Variants in ROBO1 observed in about 807,000 individuals in gnomAD.
ROBO1 encodes roundabout homolog 1.
A neutral mutation model predicts 195.9 loss-of-function variants in ROBO1; 149 were observed. The observed-to-expected ratio is 0.76, with a 90% CI of 0.67 to 0.87. The LOEUF is 0.87. Ranked by LOEUF, ROBO1 falls within the 40% of genes least tolerant of loss-of-function variation. The pLI is 0.00. For missense variants in ROBO1, 1,933 were observed against 2,068.3 expected (o/e 0.93, Z 1.27); for synonymous variants, 816 against 733.2 (o/e 1.11, Z -1.82).
intron 2 of ROBO1, among the ~76,000 whole-genome samples, chr3:79,324,203 C>T (rs2034107925): frequency 6.6e-6 from 1 of 152,206 alleles, no homozygotes; most frequent in Middle Eastern, 3.4e-3. Context: ...TCTAATAATG[C>T]CTGTTCTACA....
At chr3:78,839,697 G>T (rs1391653694) in intron 4 of ROBO1, among the ~76,000 whole-genome samples, 2 of 151,994 alleles carry the variant, frequency 1.3e-5, no homozygotes, top group Non-Finnish European at 2.9e-5. Flanking sequence ...AATCTTTACA[G>T]ACTGAAAATC....
intron 8 of ROBO1, among the ~76,000 whole-genome samples, chr3:78,708,846 C>A (rs185947105): frequency 6.6e-6 from 1 of 152,296 alleles, no homozygotes; most frequent in Non-Finnish European, 1.5e-5. Context: ...TGAAACACCA[C>A]TTCAGTGAAT....
At chr3:79,481,488 C>T (rs777706714) in intron 2 of ROBO1, among the ~76,000 whole-genome samples, 3 of 152,134 alleles carry the variant, frequency 2.0e-5, no homozygotes, top group Non-Finnish European at 2.9e-5. Context: ...AAACACTGGC[C>T]TGCTTCAAAG....
chr3:78,804,964 C>T (rs1381633057), intron 4 of ROBO1, among the ~76,000 whole-genome samples: 13 of 152,010 alleles, frequency 8.6e-5, no homozygotes. Flanking sequence ...AAAGAATCTC[C>T]CTTGGTCACA....
chr3:78,828,230 T>C (rs1444267688), intron 4 of ROBO1, among the ~76,000 whole-genome samples: 1 of 152,066 alleles, frequency 6.6e-6, no homozygotes, highest in African/African-American at 2.4e-5. Context: ...TTTCTGCAAG[T>C]TGATTTTCAC....
intron 1 of ROBO1, among the ~76,000 whole-genome samples, chr3:79,695,807 T>C (rs1947429663): frequency 6.6e-6 from 1 of 151,410 alleles, no homozygotes; most frequent in South Asian, 2.1e-4. Flanking sequence ...AGTAAACTAC[T>C]GGGAATATAA....
intron 2 of ROBO1, among the ~76,000 whole-genome samples, chr3:79,416,189 T>A (rs1339062019): frequency 6.6e-6 from 1 of 151,944 alleles, no homozygotes; most frequent in Non-Finnish European, 1.5e-5. Context: ...AAATGGTAAA[T>A]GCATTTACAG....
At chr3:79,496,617 G>T (rs1939761752) in intron 2 of ROBO1, among the ~76,000 whole-genome samples, 2 of 150,336 alleles carry the variant, frequency 1.3e-5, no homozygotes, top group African/African-American at 4.9e-5. Context: ...TCGATCTCCT[G>T]ACCTCATGAT....
chr3:79,273,106 T>C lies in ROBO1; in HGVS notation c.89-147567A>G, dbSNP rs149053503. Among the ~76,000 whole-genome samples the C allele has an allele frequency of 2.7e-3, 414 of 152,200 alleles. 4 individuals are homozygous for C. Among genetic ancestry groups the C allele is most frequent in the African/African-American group, 9.6e-3 (398 of 41,558 alleles). On this transcript the variant is annotated intron_variant, in intron 2 of 30. Transcript: ENST00000464233. ...ACCAGACCTACCTTATAAGAAATGCTAAAGGAAGCTCTTCAATCTAAAAGA... is the reference window on the plus strand; with the variant it reads ...ACCAGACCTACCTTATAAGAAATGCCAAAGGAAGCTCTTCAATCTAAAAGA...
intron 1 of ROBO1, among the ~76,000 whole-genome samples, chr3:79,750,417 G>A (rs555020110): frequency 6.6e-5 from 10 of 152,290 alleles, no homozygotes; most frequent in African/African-American, 2.4e-4. Context: ...TGTTAGGAAG[G>A]CATGATTGGT....
intron 2 of ROBO1, among the ~76,000 whole-genome samples, chr3:79,558,240 CACCCCTG>C (rs1314475463): frequency 2.6e-5 from 4 of 152,060 alleles, no homozygotes; most frequent in African/African-American, 7.2e-5. Flanking sequence ...CCATCTCTGC[CACCCCTG>C]AGACAGCAAG....
At chr3:79,080,831 A>T (rs1283837559) in intron 3 of ROBO1, among the ~76,000 whole-genome samples, 2 of 152,110 alleles carry the variant, frequency 1.3e-5, no homozygotes, top group Admixed American at 1.3e-4. Context: ...ATCTCTGTTT[A>T]TTTAAATATT....
At chr3:79,228,585 G>T (rs1456839011) in intron 2 of ROBO1, among the ~76,000 whole-genome samples, 1 of 152,076 alleles carries the variant, frequency 6.6e-6, no homozygotes, top group Non-Finnish European at 1.5e-5. Context: ...AAAGGCCACT[G>T]ATTCCATTGC....
intron 2 of ROBO1, among the ~76,000 whole-genome samples, chr3:79,469,250 G>T (rs931940318): frequency 6.6e-6 from 1 of 151,972 alleles, no homozygotes; most frequent in African/African-American, 2.4e-5. Flanking sequence ...TATAGAATCA[G>T]AAAATTAATT....
At chr3:79,053,886 A>C (rs1490613204) in intron 3 of ROBO1, among the ~76,000 whole-genome samples, 1 of 152,180 alleles carries the variant, frequency 6.6e-6, no homozygotes, top group Non-Finnish European at 1.5e-5. Flanking sequence ...CTTCCAAGGG[A>C]TATAAATGTG....
chr3:79,544,789 T>C (rs1942202579), intron 2 of ROBO1, among the ~76,000 whole-genome samples: 1 of 152,100 alleles, frequency 6.6e-6, no homozygotes, highest in African/African-American at 2.4e-5. Flanking sequence ...TAACCATCTG[T>C]ATTAAGGTAC....
In ROBO1 at chr3:78,939,450, T is replaced by TAA. The variant is rs772177770; in HGVS notation, c.173-525_173-524dup. Among the ~76,000 whole-genome samples the TAA allele has an allele frequency of 9.8e-3, 1,261 of 129,116 alleles. 27 individuals carry two copies. The highest frequency in any genetic ancestry group is 0.034 in the African/African-American group (1,206 of 35,008). The allele number at this position is 129,116 out of a possible 152,430, so 84.7% of individuals were successfully genotyped here. ...TAACAAGGTGAAACCCCGTCTCTAC[T>TAA]AAAAAAAAAAAAAAAAAATTAGCCT... is the stretch of plus-strand genomic sequence containing the variant. On this transcript the variant is annotated intron_variant, in intron 3 of 30. Coordinates refer to ENST00000464233, the MANE Select transcript of ROBO1 (RefSeq NM_002941.4).
chr3:79,120,212 T>C (rs2080090381), intron 3 of ROBO1, among the ~76,000 whole-genome samples: 1 of 151,938 alleles, frequency 6.6e-6, no homozygotes, highest in South Asian at 2.1e-4. Flanking sequence ...AGTTAGAAAT[T>C]AGGAGAGAAA....
chr3:78,785,529 A>G (rs1221861158), intron 4 of ROBO1, among the ~76,000 whole-genome samples: 1 of 152,098 alleles, frequency 6.6e-6, no homozygotes, highest in African/African-American at 2.4e-5. Context: ...ACTACTACTC[A>G]TACATACCTG....
Sources: gnomAD v4.1 joint callset for allele counts (sites outside exome capture counted in the v4.1 genomes callset) on GRCh38, gnomAD v4.1.1 for gene constraint, MANE v1.5 for transcripts, NCBI Gene and HGNC (gene_info 2026-07-23, HGNC 2026-07-21) for gene names.